The following PRKAR1B variants were observed in gnomAD, a reference collection of about 807,000 sequenced individuals.
The protein encoded by PRKAR1B is protein kinase cAMP-dependent type I regulatory subunit beta.
PRKAR1B carries 22 observed loss-of-function variants against 46.5 expected under a neutral mutation model. That is an observed-to-expected ratio of 0.47 (90% CI 0.34 to 0.68). PRKAR1B has a LOEUF of 0.68. Among genes scored for constraint, PRKAR1B ranks in the 30% least tolerant of loss-of-function variants. The probability of loss-of-function intolerance (pLI) is 0.01; values close to 1 mark genes in which losing one functional copy is unlikely to be tolerated. For synonymous variants in PRKAR1B, 259 were observed against 217.7 expected (o/e 1.19, Z -1.67); for missense variants, 445 against 535.6 (o/e 0.83, Z 1.67).
intron 9 of PRKAR1B, chr7:578,784 C>T (rs541019983): frequency 1.2e-4 from 26 of 225,822 alleles, no homozygotes; most frequent in Admixed American, 1.0e-3. Context: ...CGGGTTCAAG[C>T]GATTCTCCTG....
At chr7:565,736 G>A (rs559722373) in intron 9 of PRKAR1B, 1 of 152,240 alleles carries the variant, frequency 6.6e-6, no homozygotes, top group Non-Finnish European at 1.5e-5. Context: ...CCCCTGCGCA[G>A]CTGCGGTGCT....
chr7:664,174 T>G (rs1463322589), intron 4 of PRKAR1B, among the ~76,000 whole-genome samples: 1 of 152,124 alleles, frequency 6.6e-6, no homozygotes, highest in Non-Finnish European at 1.5e-5. Context: ...GCTGGTGAAT[T>G]CCTCACACCC....
intron 4 of PRKAR1B, among the ~76,000 whole-genome samples, chr7:649,095 T>C (rs10262059): frequency 6.6e-6 from 1 of 150,882 alleles, no homozygotes; most frequent in African/African-American, 2.4e-5. Flanking sequence ...ATCTGGGAGG[T>C]GGAGGTTGCA....
At chr7:628,511 G>A (rs915353331) in intron 4 of PRKAR1B, among the ~76,000 whole-genome samples, 6 of 152,232 alleles carry the variant, frequency 3.9e-5, no homozygotes, top group Non-Finnish European at 5.9e-5. Flanking sequence ...CCGGGTTGCC[G>A]GGCTGGAGCT....
Position 579,371 on chromosome 7 carries a change from A to G in PRKAR1B, c.776T>C (p.Leu259Pro). The G allele has an allele frequency of 6.2e-7, 1 of 1,613,774 alleles. No homozygotes were observed. Among genetic ancestry groups the G allele is most frequent in the Non-Finnish European group, 8.5e-7 (1 of 1,180,010 alleles). ...CACGGTCAGACGCTCCCACTTCTCC[A>G]GGGACTCTGTCGGGGGAGGATGAGG... ...FLSKVSILES[L>P]EKWERLTVAD... The change falls in exon 9 of 11, where the codon CTG (leucine) becomes CCG (proline). Residue 259 changes from leucine (L) to proline (P), a missense_variant. Coordinates refer to ENST00000537384, the MANE Select transcript of PRKAR1B (RefSeq NM_001164760.2).
chr7:625,989 C>G (rs1214370745), intron 4 of PRKAR1B, among the ~76,000 whole-genome samples: 2 of 118,776 alleles, frequency 1.7e-5, no homozygotes, highest in Non-Finnish European at 3.3e-5. Flanking sequence ...GCCTGGGTGA[C>G]AAGAGCAAAA....
intron 9 of PRKAR1B, chr7:562,038 T>C (rs1583205223): frequency 6.6e-6 from 1 of 151,260 alleles, no homozygotes; most frequent in Admixed American, 6.6e-5. Context: ...GGCCGGGGGG[T>C]GGGGGTGACG....
Position 550,375 on chromosome 7 carries a change from G to T in PRKAR1B, c.*55C>A. The T allele has an allele frequency of 6.6e-7, 1 of 1,522,934 alleles. No individual in the cohort carries two copies. Among genetic ancestry groups the T allele is most frequent in the South Asian group, 1.2e-5 (1 of 83,086 alleles). The allele number at this position is 1,522,934 out of a possible 1,614,324, so 94.3% of individuals were successfully genotyped here. A position where few individuals can be genotyped will look rare whatever the true frequency, so the allele number is the denominator to read the frequency against. Reference sequence around the variant, plus strand: ...CGGCTCCCGGGCCCCCGACACAGACGAGCAGGGCACGGCCACCACACTGGG... The same window carrying T: ...CGGCTCCCGGGCCCCCGACACAGACTAGCAGGGCACGGCCACCACACTGGG... On this transcript the variant is annotated 3_prime_UTR_variant, in exon 11 of 11. Transcript: ENST00000537384.
chr7:628,820 C>T (rs1481754418), intron 4 of PRKAR1B, among the ~76,000 whole-genome samples: 14 of 37,912 alleles, frequency 3.7e-4, no homozygotes, highest in African/African-American at 1.1e-3. Flanking sequence ...ATTCCTCGCC[C>T]ACCCCCAAGT....
rs536932711 is a variant in PRKAR1B, at chr7:644,069, G to A, written c.440+33160C>T. On this transcript the variant is annotated intron_variant, in intron 4 of 10. Coordinates refer to ENST00000537384, the MANE Select transcript of PRKAR1B (RefSeq NM_001164760.2). This position sits in a 1 kb window ranked among gnomAD's most constrained non-coding sequence, Gnocchi z 4.9. ...ACGAAGCTAGGGGCGGCTGCTACAC[G>A]GCCCACTACACTAAGCCCTAAGTCT... is the stretch of plus-strand genomic sequence containing the variant. Among the ~76,000 whole-genome samples the A allele has an allele frequency of 8.7e-4, 132 of 152,166 alleles. No homozygotes were observed. Among genetic ancestry groups the A allele is most frequent in the African/African-American group, 2.8e-3 (117 of 41,498 alleles).
At chr7:661,061 C>CCA (rs1785521386) in intron 4 of PRKAR1B, among the ~76,000 whole-genome samples, 1 of 37,456 alleles carries the variant, frequency 2.7e-5, no homozygotes, top group Non-Finnish European at 5.3e-5. Flanking sequence ...TACTCTCCCC[C>CCA]CCATGGCACA....
chr7:599,317 G>C (rs1052389507), intron 6 of PRKAR1B, among the ~76,000 whole-genome samples: 30 of 150,616 alleles, frequency 2.0e-4, no homozygotes, highest in African/African-American at 5.9e-4. Context: ...TTTTTTTTGA[G>C]ATGGAGTTTC....
chr7:554,343 C>G (rs1778271939), intron 9 of PRKAR1B, among the ~76,000 whole-genome samples: 1 of 152,278 alleles, frequency 6.6e-6, no homozygotes, highest in Non-Finnish European at 1.5e-5. Flanking sequence ...GACAGCCCAT[C>G]ACGCTGACCT....
chr7:561,561 G>A (rs1037344814), intron 9 of PRKAR1B, among the ~76,000 whole-genome samples: 7 of 152,154 alleles, frequency 4.6e-5, no homozygotes, highest in South Asian at 2.1e-4. Flanking sequence ...TCCCTCTGCC[G>A]TTTGTTTCGG....
chr7:694,487 G>A (rs1229028477), intron 2 of PRKAR1B, among the ~76,000 whole-genome samples: 1 of 152,122 alleles, frequency 6.6e-6, no homozygotes, highest in Non-Finnish European at 1.5e-5. Flanking sequence ...GCCAAGGAGA[G>A]AAGGATGTGG....
At chr7:566,084 T>C (rs1369428753) in intron 9 of PRKAR1B, among the ~76,000 whole-genome samples, 2 of 131,000 alleles carry the variant, frequency 1.5e-5, no homozygotes, top group African/African-American at 5.6e-5. Flanking sequence ...GAGTTAAATA[T>C]GGAAATGTTT....
chr7:683,233 T>C (rs2128509029), intron 2 of PRKAR1B, among the ~76,000 whole-genome samples: 1 of 152,326 alleles, frequency 6.6e-6, no homozygotes, highest in Admixed American at 6.5e-5. Flanking sequence ...GTCTGACAGA[T>C]GCAGACACCA....
rs112543215 is a variant in PRKAR1B at position 560,150 on chromosome 7, T to C, written c.892-8680A>G. On this transcript the variant is annotated intron_variant, in intron 9 of 10. Coordinates refer to ENST00000537384, the MANE Select transcript of PRKAR1B (RefSeq NM_001164760.2). The surrounding 1 kb of genome is among the most constrained non-coding windows in gnomAD (Gnocchi z 4.2). ...AGGGGGCGGTAACTGAATCATGGCA[T>C]GGGGTGACGGTTTTATAAGGGGCTT... Among the ~76,000 whole-genome samples, 1,165 of 152,202 alleles carry C rather than the reference T, an allele frequency of 7.7e-3. 18 individuals carry two copies. The highest frequency in any genetic ancestry group is 0.027 in the African/African-American group (1,105 of 41,508).
At chr7:718,391 C>T in intron 1 of PRKAR1B, among the ~76,000 whole-genome samples, 1 of 146,438 alleles carries the variant, frequency 6.8e-6, no homozygotes, top group Non-Finnish European at 1.5e-5. Context: ...GAGTCTTGCT[C>T]TGTCACCCAG....
Sources: allele counts gnomAD v4.1 joint callset (sites outside exome capture counted in the v4.1 genomes callset), GRCh38; gene constraint gnomAD v4.1.1; non-coding constraint Gnocchi (gnomAD v3.1); transcripts MANE v1.5; gene names NCBI Gene and HGNC (gene_info 2026-07-23, HGNC 2026-07-21).